The following HSPA12A variants were observed in gnomAD, a reference collection of about 807,000 sequenced individuals.
HSPA12A encodes heat shock protein family A (Hsp70) member 12A.
Under a neutral mutation model 69.2 loss-of-function variants are expected in HSPA12A, and 28 were observed. That is an observed-to-expected ratio of 0.40 (90% CI 0.30 to 0.55). The LOEUF is 0.55. Ranked by LOEUF, HSPA12A falls within the 20% of genes least tolerant of loss-of-function variation. The pLI is 0.38. For missense variants in HSPA12A, 686 were observed against 900.7 expected, an observed-to-expected ratio of 0.76 and a Z score of 3.05; for synonymous variants, 345 against 370.5, an observed-to-expected ratio of 0.93 and a Z score of 0.79.
rs188278613 is a variant in HSPA12A, at chr10:116,776,476, C to T, written c.91+58459G>A. On this transcript the variant is annotated intron_variant, in intron 2 of 12. Transcript: ENST00000635765. Reference sequence around the variant, plus strand: ...GCTCAAAATCAGCCGGGATTGATTCCTTATATTTAGAAAGAAGCTTTGGAA... The same window carrying T: ...GCTCAAAATCAGCCGGGATTGATTCTTTATATTTAGAAAGAAGCTTTGGAA... 1.2e-3 allele frequency among the ~76,000 whole-genome samples: 183 copies of T among 152,280 alleles called. 1 individual carries two copies. The highest frequency in any genetic ancestry group is 2.3e-3 in the Non-Finnish European group (156 of 68,022).
Position 116,679,497 on chromosome 10 carries a change from A to G in HSPA12A, c.1286+6T>C. On this transcript the variant is annotated splice_donor_region_variant and intron_variant, in intron 10 of 11. Transcript: ENST00000369209. Reference sequence around the variant, plus strand: ...TCCAGAGCCCGAGGTGATGAGCCCAACTCACTTGCTTTTCCGCAAGGCGTG... The same window carrying G: ...TCCAGAGCCCGAGGTGATGAGCCCAGCTCACTTGCTTTTCCGCAAGGCGTG... 1 of 1,612,414 alleles carries G rather than the reference A, an allele frequency of 6.2e-7. No homozygotes were observed. Among genetic ancestry groups the G allele is most frequent in the Non-Finnish European group, 8.5e-7 (1 of 1,179,192 alleles).
intron 6 of HSPA12A, among the ~76,000 whole-genome samples, chr10:116,684,237 G>A (rs1849509404): frequency 6.6e-6 from 1 of 152,124 alleles, no homozygotes; most frequent in Non-Finnish European, 1.5e-5. Context: ...TTGCACTTGG[G>A]GCCTCCTTGG....
At chr10:116,772,363 T>A (rs1222441734) in intron 2 of HSPA12A, among the ~76,000 whole-genome samples, 1 of 152,090 alleles carries the variant, frequency 6.6e-6, no homozygotes, top group Non-Finnish European at 1.5e-5. Context: ...TCTCAGACTC[T>A]ACCCCACTTG....
At chr10:116,683,765 G>C in intron 7 of HSPA12A, 26 bp downstream of exon 7, 1 of 1,494,602 alleles carries the variant, frequency 6.7e-7, no homozygotes. Flanking sequence ...AGGAGAGCAG[G>C]AGGGGGAGAG....
intron 1 of HSPA12A, among the ~76,000 whole-genome samples, chr10:116,842,775 G>C (rs966480507): frequency 6.6e-6 from 1 of 152,034 alleles, no homozygotes; most frequent in Non-Finnish European, 1.5e-5. Context: ...GCTAAGTTTT[G>C]TATTTTTAAT....
intron 2 of HSPA12A, among the ~76,000 whole-genome samples, chr10:116,833,803 G>A (rs1305713293): frequency 6.6e-6 from 1 of 152,174 alleles, no homozygotes; most frequent in Non-Finnish European, 1.5e-5. Flanking sequence ...GGGCTACACA[G>A]AGTTTTCTGG....
intron 2 of HSPA12A, among the ~76,000 whole-genome samples, chr10:116,785,108 G>T (rs1394014862): frequency 1.3e-5 from 2 of 152,150 alleles, no homozygotes; most frequent in African/African-American, 4.8e-5. Context: ...CCTTTGGGAG[G>T]GGCGTCCTGG....
In HSPA12A at chr10:116,676,473, C is replaced by T; in HGVS notation, c.1316G>A (p.Gly439Glu). 6.2e-7 allele frequency: 1 copy of T among 1,613,900 alleles called. No individual in the cohort carries two copies. The highest frequency in any genetic ancestry group is 1.7e-4 in the Middle Eastern group (1 of 6,060). ...GGCATCTGGACTCATCCGCAGCATCCCCTGCGAGGACCACTTCACAAAATC... is the reference window on the plus strand; with the variant it reads ...GGCATCTGGACTCATCCGCAGCATCTCCTGCGAGGACCACTTCACAAAATC... ...NVDFVKWSSQ[G>E]MLRMSPDAMN... The change falls in exon 11 of 12, where the codon GGG (glycine) becomes GAG (glutamate). Residue 439 changes from glycine (G) to glutamate (E), a missense_variant. Physicochemically the swap from Gly to Glu is moderately conservative, Grantham distance 98. Coordinates refer to ENST00000369209, the MANE Select transcript of HSPA12A (RefSeq NM_025015.3).
chr10:116,792,869 C>A (rs1844731603), intron 2 of HSPA12A, among the ~76,000 whole-genome samples: 1 of 151,878 alleles, frequency 6.6e-6, no homozygotes, highest in Non-Finnish European at 1.5e-5. Context: ...AAAATCTATT[C>A]CTGAAACATC....
intron 2 of HSPA12A, among the ~76,000 whole-genome samples, chr10:116,795,683 CA>C (rs146305919): frequency 2.4e-5 from 3 of 122,638 alleles, no homozygotes; most frequent in African/African-American, 9.8e-5. Context: ...GATTCTGTCT[CA>C]AAAAAAAAAA....
intron 2 of HSPA12A, among the ~76,000 whole-genome samples, chr10:116,804,801 T>C (rs1187648976): frequency 6.6e-6 from 1 of 152,030 alleles, no homozygotes; most frequent in Non-Finnish European, 1.5e-5. Flanking sequence ...GGGAGAAAAA[T>C]AATGATTGTG....
rs782797705 is a variant in HSPA12A at position 116,675,181 on chromosome 10, T to C, written c.1628A>G (p.Asn543Ser). 6.2e-7 allele frequency: 1 copy of C among 1,613,474 alleles called. No homozygotes were observed. Among genetic ancestry groups the C allele is most frequent in the Non-Finnish European group, 8.5e-7 (1 of 1,179,948 alleles). ...SPLTYGVGVL[N>S]RYVEGKHPPE... ...CGGGTGCTTGCCCTCCACGTAGCGG[T>C]TCAGCACGCCTACCCCGTAGGTGAG... Residue 543 changes from asparagine (N) to serine (S), a missense_variant, in exon 12 of 12, where the codon AAC becomes AGC. Transcript: ENST00000369209. The surrounding 1 kb of genome is among the most constrained non-coding windows in gnomAD (Gnocchi z 5.2).
At chr10:116,826,901 G>A (rs1052732694) in intron 2 of HSPA12A, among the ~76,000 whole-genome samples, 4 of 152,090 alleles carry the variant, frequency 2.6e-5, no homozygotes, top group African/African-American at 4.8e-5. Context: ...CCAATGAGGC[G>A]GATACTTAGT....
chr10:116,798,280 T>C (rs1390288293), intron 2 of HSPA12A, among the ~76,000 whole-genome samples: 1 of 152,030 alleles, frequency 6.6e-6, no homozygotes, highest in Non-Finnish European at 1.5e-5. Flanking sequence ...GCCACCAAGG[T>C]AACCAACTGT....
intron 1 of HSPA12A, among the ~76,000 whole-genome samples, chr10:116,725,056 G>C (rs1850909235): frequency 6.6e-6 from 1 of 152,228 alleles, no homozygotes; most frequent in Admixed American, 6.5e-5. Flanking sequence ...AGGAACAGCA[G>C]AGCTGAGACT....
intron 8 of HSPA12A, 24 bp downstream of exon 8, chr10:116,681,767 G>T: frequency 6.2e-7 from 1 of 1,600,536 alleles, no homozygotes. Context: ...TCCAGCAAGA[G>T]CAAAGGACAT....
chr10:116,702,393 G>A (rs935446652), intron 3 of HSPA12A, among the ~76,000 whole-genome samples: 8 of 152,144 alleles, frequency 5.3e-5, no homozygotes, highest in South Asian at 2.1e-4. Context: ...AGGTGGCCAC[G>A]CTCCCAGCTG....
chr10:116,792,578 A>G lies in HSPA12A; in HGVS notation c.91+42357T>C, dbSNP rs181942861. On this transcript the variant is annotated intron_variant, in intron 2 of 12. Coordinates refer to the HSPA12A transcript ENST00000635765. Reference sequence around the variant, plus strand: ...GACTGCTTGAGCTCAGGAGTTCAAGACCAGCCTGGGCAACTTTGCAAAACC... The same window carrying G: ...GACTGCTTGAGCTCAGGAGTTCAAGGCCAGCCTGGGCAACTTTGCAAAACC... 7.6e-3 allele frequency among the ~76,000 whole-genome samples: 1,130 copies of G among 148,406 alleles called. 17 individuals carry two copies. Among genetic ancestry groups the G allele is most frequent in the Non-Finnish European group, 7.9e-3 (534 of 67,666 alleles).
chr10:116,729,395 G>A (rs782169910), intron 1 of HSPA12A, among the ~76,000 whole-genome samples: 4 of 152,084 alleles, frequency 2.6e-5, no homozygotes, highest in African/African-American at 4.8e-5. Context: ...AAATCCTCCC[G>A]AGTTGGAAAT....
Sources: gnomAD v4.1 joint callset for allele counts (sites outside exome capture counted in the v4.1 genomes callset) on GRCh38, gnomAD v4.1.1 for gene constraint, Gnocchi (gnomAD v3.1) non-coding constraint, MANE v1.5 for transcripts, NCBI Gene and HGNC (gene_info 2026-07-23, HGNC 2026-07-21) for gene names.